The following EPHA6 variants were observed in gnomAD, a reference collection of about 807,000 sequenced individuals.
The protein encoded by EPHA6 is ephrin type-A receptor 6.
EPHA6 carries 50 observed loss-of-function variants against 112.0 expected under a neutral mutation model. That is an observed-to-expected ratio of 0.45 (90% confidence interval 0.36 to 0.56). The LOEUF (loss-of-function observed/expected upper bound fraction) is 0.56, where lower values mean the gene tolerates loss of function less well. Among genes scored for constraint, EPHA6 ranks in the 20% least tolerant of loss-of-function variants. The pLI, the probability that EPHA6 is intolerant of heterozygous loss-of-function variation, is 0.00. For missense variants in EPHA6, 1,280 were observed against 1,417.4 expected (o/e 0.90, Z 1.56); for synonymous variants, 529 against 490.7 (o/e 1.08, Z -1.03).
At chr3:97,326,294 T>C (rs964830197) in intron 5 of EPHA6, among the ~76,000 whole-genome samples, 4 of 151,540 alleles carry the variant, frequency 2.6e-5, no homozygotes, top group African/African-American at 7.2e-5. Flanking sequence ...CAACAGCAGC[T>C]GTTCCTGGTA....
intron 14 of EPHA6, among the ~76,000 whole-genome samples, chr3:97,716,297 G>A (rs2034220093): frequency 8.0e-6 from 1 of 125,264 alleles, no homozygotes; most frequent in East Asian, 2.0e-4. Flanking sequence ...GGCCGGGCGC[G>A]GTGGCTCACG....
chr3:97,098,966 A>C (rs1262865708), intron 3 of EPHA6, among the ~76,000 whole-genome samples: 1 of 151,928 alleles, frequency 6.6e-6, no homozygotes, highest in East Asian at 1.9e-4. Context: ...AGAATTTATG[A>C]GATTCTATGC....
rs2033862400 is a variant in EPHA6, at chr3:96,829,245, GT to G, written c.385+14240del. On this transcript the variant is annotated intron_variant, in intron 1 of 17. Transcript: ENST00000389672. ...AGTAGAGGAGAATCATTCGTTTTAT[GT>G]TTGGAAACTTAAAAGGGAAAAAAAT... 2.0e-5 allele frequency among the ~76,000 whole-genome samples: 3 copies of G among 152,178 alleles called. No individual in the cohort carries two copies. The South Asian group carries it at 6.2e-4, about 32-fold the overall frequency.
chr3:97,119,255 C>T (rs531337867), intron 3 of EPHA6, among the ~76,000 whole-genome samples: 57 of 152,174 alleles, frequency 3.7e-4, no homozygotes, highest in African/African-American at 1.3e-3. Context: ...ACTCTGCACA[C>T]TTCATTCATA....
chr3:96,845,812 T>G (rs1184171407), intron 1 of EPHA6, among the ~76,000 whole-genome samples: 2 of 151,914 alleles, frequency 1.3e-5, no homozygotes, highest in East Asian at 3.9e-4. Context: ...CTGGCTCAAC[T>G]TTGCAATTAT....
At chr3:97,004,889 T>C (rs1441157718) in intron 3 of EPHA6, among the ~76,000 whole-genome samples, 1 of 152,180 alleles carries the variant, frequency 6.6e-6, no homozygotes, top group Non-Finnish European at 1.5e-5. Context: ...CCATTGCTTG[T>C]TTTTGTCAGG....
chr3:97,590,404 A>G (rs2093532072), intron 11 of EPHA6: 1 of 152,180 alleles, frequency 6.6e-6, no homozygotes, highest in Non-Finnish European at 1.5e-5. Context: ...TAGCAATAAG[A>G]TAATATTTGT....
intron 14 of EPHA6, among the ~76,000 whole-genome samples, chr3:97,674,505 A>G (rs2031165954): frequency 6.6e-6 from 1 of 152,194 alleles, no homozygotes; most frequent in African/African-American, 2.4e-5. Context: ...TTCAGACTAA[A>G]GGAGATGAAA....
chr3:97,338,958 C>T (rs2083183405), intron 5 of EPHA6, among the ~76,000 whole-genome samples: 1 of 152,212 alleles, frequency 6.6e-6, no homozygotes, highest in Non-Finnish European at 1.5e-5. Context: ...CTTCCCCATC[C>T]AATCTCTACT....
At chr3:97,333,468 CT>C (rs869258362) in intron 5 of EPHA6, among the ~76,000 whole-genome samples, 1,326 of 75,852 alleles carry the variant, frequency 0.017, 11 homozygotes, top group African/African-American at 0.064. Context: ...TATGGCTTTT[CT>C]TTTTTTTTTT....
intron 11 of EPHA6, among the ~76,000 whole-genome samples, chr3:97,558,159 A>G (rs1449851490): frequency 2.0e-5 from 3 of 152,044 alleles, no homozygotes; most frequent in Non-Finnish European, 4.4e-5. Context: ...AGGCATGGGT[A>G]GAGGAAGACA....
chr3:97,455,712 A>G (rs1446366469), intron 7 of EPHA6, among the ~76,000 whole-genome samples: 4 of 152,030 alleles, frequency 2.6e-5, no homozygotes, highest in Admixed American at 6.6e-5. Context: ...GGATTAATGT[A>G]CACATGGTAG....
chr3:97,342,770 G>T (rs982345583), intron 5 of EPHA6, among the ~76,000 whole-genome samples: 20 of 152,150 alleles, frequency 1.3e-4, no homozygotes, highest in African/African-American at 4.8e-4. Context: ...GAAGACAGTT[G>T]CCTGCAAACC....
chr3:97,152,151 T>A (rs1330846209), intron 3 of EPHA6, among the ~76,000 whole-genome samples: 1 of 151,984 alleles, frequency 6.6e-6, no homozygotes. Context: ...CAGGCTTTAG[T>A]TGGAGATTAT....
chr3:97,581,328 A>C (rs1158992756), intron 11 of EPHA6, among the ~76,000 whole-genome samples: 3 of 152,190 alleles, frequency 2.0e-5, no homozygotes, highest in Non-Finnish European at 2.9e-5. Context: ...GAATGTTGTC[A>C]TTTTACTTTT....
chr3:96,876,648 G>A (rs2036972605), intron 2 of EPHA6, among the ~76,000 whole-genome samples: 1 of 151,940 alleles, frequency 6.6e-6, no homozygotes, highest in African/African-American at 2.4e-5. Flanking sequence ...CTGATCTTCA[G>A]CCACCTCCAC....
At chr3:97,349,542 T>C (rs1577056582) in intron 5 of EPHA6, among the ~76,000 whole-genome samples, 1 of 152,220 alleles carries the variant, frequency 6.6e-6, no homozygotes, top group East Asian at 1.9e-4. Context: ...GAAATTTAAA[T>C]ATGCATTCCC....
chr3:97,337,912 A>G lies in EPHA6; in HGVS notation c.1607-67238A>G, dbSNP rs2083134371. ...CAGTGGGTGGAGGATGTAGCAATTT[A>G]CTAAGCCAGGGAAGACTAGCAGAGA... On this transcript the variant is annotated intron_variant, in intron 5 of 17. Coordinates refer to ENST00000389672, the MANE Select transcript of EPHA6 (RefSeq NM_001080448.3). Among the ~76,000 whole-genome samples the G allele has an allele frequency of 1.3e-5, 2 of 152,180 alleles. 1 individual carries two copies. Among genetic ancestry groups the G allele is most frequent in the South Asian group, 4.1e-4 (2 of 4,828 alleles).
At chr3:97,580,888 G>A (rs1027130086) in intron 11 of EPHA6, among the ~76,000 whole-genome samples, 8 of 152,146 alleles carry the variant, frequency 5.3e-5, no homozygotes, top group Non-Finnish European at 1.2e-4. Context: ...TCACACTTAT[G>A]ATCTTATTTG....
Sources: allele counts gnomAD v4.1 joint callset (sites outside exome capture counted in the v4.1 genomes callset), GRCh38; gene constraint gnomAD v4.1.1; transcripts MANE v1.5; gene names NCBI Gene and HGNC (gene_info 2026-07-23, HGNC 2026-07-21).